The following SEMA3E variants were observed in gnomAD, a reference collection of about 807,000 sequenced individuals.
SEMA3E encodes semaphorin 3E.
Under a neutral mutation model 93.6 loss-of-function variants are expected in SEMA3E, and 49 were observed. The ratio of observed to expected loss-of-function variants is 0.52; its 90% confidence interval spans 0.42 to 0.66. The LOEUF is 0.66. SEMA3E is among the 30% of genes least tolerant of loss of function. SEMA3E has a pLI of 0.00. For missense variants in SEMA3E, 906 were observed against 964.8 expected (o/e 0.94, Z 0.81); for synonymous variants, 363 against 330.7 (o/e 1.10, Z -1.06).
At chr7:83,506,656 A>T (rs1002182536) in intron 1 of SEMA3E, among the ~76,000 whole-genome samples, 3 of 152,190 alleles carry the variant, frequency 2.0e-5, no homozygotes, top group African/African-American at 7.2e-5. Context: ...AGGTCATGCT[A>T]AAATTAGAAG....
chr7:83,422,782 A>G (rs945394502), intron 4 of SEMA3E, among the ~76,000 whole-genome samples: 19 of 152,220 alleles, frequency 1.2e-4, no homozygotes, highest in African/African-American at 4.6e-4. Flanking sequence ...ATACAAGTAC[A>G]TTGCGTATTT....
chr7:83,543,810 C>T (rs1791587472), intron 1 of SEMA3E, among the ~76,000 whole-genome samples: 1 of 152,032 alleles, frequency 6.6e-6, no homozygotes, highest in East Asian at 1.9e-4. Flanking sequence ...TGAGAACATA[C>T]TCCCATTTTG....
intron 1 of SEMA3E, among the ~76,000 whole-genome samples, chr7:83,646,225 A>T (rs925176896): frequency 1.3e-5 from 2 of 152,144 alleles, no homozygotes; most frequent in Non-Finnish European, 2.9e-5. Flanking sequence ...CGTTACTGAC[A>T]TTAGTCAAGT....
At chr7:83,444,285 C>G (rs374816193) in intron 4 of SEMA3E, among the ~76,000 whole-genome samples, 1 of 152,100 alleles carries the variant, frequency 6.6e-6, no homozygotes. Context: ...CACAAAATCT[C>G]GTGATTGTCT....
chr7:83,593,462 C>T (rs922160740), intron 1 of SEMA3E, among the ~76,000 whole-genome samples: 1 of 151,758 alleles, frequency 6.6e-6, no homozygotes, highest in Non-Finnish European at 1.5e-5. Flanking sequence ...ATAATTATAG[C>T]TACAATTTAA....
At chr7:83,602,447 T>A (rs907833234) in intron 1 of SEMA3E, among the ~76,000 whole-genome samples, 1 of 151,882 alleles carries the variant, frequency 6.6e-6, no homozygotes, top group Non-Finnish European at 1.5e-5. Context: ...GCCCTCATCT[T>A]ACCTAGAGAG....
chr7:83,590,943 A>T (rs927828957), intron 1 of SEMA3E, among the ~76,000 whole-genome samples: 2 of 152,270 alleles, frequency 1.3e-5, no homozygotes, highest in African/African-American at 4.8e-5. Context: ...ACAAAACATG[A>T]AGGAAAATGT....
chr7:83,619,761 A>C (rs548313369), intron 1 of SEMA3E, among the ~76,000 whole-genome samples: 4 of 151,994 alleles, frequency 2.6e-5, no homozygotes, highest in African/African-American at 9.6e-5. Flanking sequence ...GGAGAGACAA[A>C]ATGAAAGTAC....
intron 5 of SEMA3E, 39 bp from the exon 6 acceptor site, chr7:83,408,526 T>C: frequency 6.2e-7 from 1 of 1,606,962 alleles, no homozygotes; most frequent in Non-Finnish European, 8.5e-7. Context: ...TCAGTATTTG[T>C]TAATATGTTA....
At chr7:83,599,892 G>A (rs879940325) in intron 1 of SEMA3E, among the ~76,000 whole-genome samples, 6 of 152,064 alleles carry the variant, frequency 3.9e-5, no homozygotes, top group Admixed American at 2.6e-4. Flanking sequence ...TGTTAGAGGC[G>A]GAACCCATGT....
Position 83,399,006 on chromosome 7 carries a change from C to T in SEMA3E, c.1366+1022G>A, listed in dbSNP as rs576349170. Among the ~76,000 whole-genome samples, 3 of 152,066 alleles carry T rather than the reference C, an allele frequency of 2.0e-5. No homozygotes were observed. The East Asian group carries it at 5.8e-4, about 29-fold the overall frequency. ...ACAAAAAACAAAACAAAAATAAAAA[C>T]AAAGGGTTTATTGGAGAAGCCCAAG... is the stretch of plus-strand genomic sequence containing the variant. On this transcript the variant is annotated intron_variant, in intron 11 of 16. Transcript: ENST00000643230.
At chr7:83,443,256 C>A (rs1789156174) in intron 4 of SEMA3E, among the ~76,000 whole-genome samples, 1 of 151,986 alleles carries the variant, frequency 6.6e-6, no homozygotes, top group Admixed American at 6.6e-5. Flanking sequence ...AAAGTAGGAC[C>A]CCAAGGGTTG....
chr7:83,504,827 G>A (rs1301501086), intron 1 of SEMA3E, among the ~76,000 whole-genome samples: 1 of 152,040 alleles, frequency 6.6e-6, no homozygotes, highest in Non-Finnish European at 1.5e-5. Context: ...TTATGTGTTA[G>A]GTACTGTGTG....
At chr7:83,636,893 C>G (rs1219289116) in intron 1 of SEMA3E, among the ~76,000 whole-genome samples, 2 of 151,986 alleles carry the variant, frequency 1.3e-5, no homozygotes, top group Admixed American at 1.3e-4. Context: ...TCTTTTCAGC[C>G]CCAACTTCAT....
rs1273494293 is a variant in SEMA3E, at chr7:83,385,393, G to A, written c.1776C>T (p.Gly592=). ...LDKTEEHLAY[G]IENNSTLLEC... is the part of the protein sequence containing the mutation. Reference sequence around the variant, plus strand: ...CCAGCAAAGTACTGTTGTTCTCTATGCCATAAGCCAGATGTTCTTCAGTCT... The same window carrying A: ...CCAGCAAAGTACTGTTGTTCTCTATACCATAAGCCAGATGTTCTTCAGTCT... The change falls in exon 16 of 17, where the codon GGC becomes GGT. Residue 592 remains glycine, a synonymous_variant. Transcript: ENST00000643230. 2.5e-6 allele frequency: 4 copies of A among 1,613,380 alleles called. No homozygotes were observed. The South Asian group carries it at 4.4e-5, about 18-fold the overall frequency.
At chr7:83,400,547 T>C (rs1441552673) in intron 10 of SEMA3E, among the ~76,000 whole-genome samples, 1 of 152,048 alleles carries the variant, frequency 6.6e-6, no homozygotes, top group Non-Finnish European at 1.5e-5. Flanking sequence ...CCTCCCACCC[T>C]CTGACTTCAA....
At chr7:83,528,369 T>C (rs1236461046) in intron 1 of SEMA3E, among the ~76,000 whole-genome samples, 1 of 152,064 alleles carries the variant, frequency 6.6e-6, no homozygotes, top group Non-Finnish European at 1.5e-5. Context: ...TTATCAGGGA[T>C]TGAATAGGAG....
intron 1 of SEMA3E, among the ~76,000 whole-genome samples, chr7:83,644,050 G>C (rs1794048374): frequency 6.6e-6 from 1 of 151,870 alleles, no homozygotes; most frequent in Non-Finnish European, 1.5e-5. Context: ...TAAATACCAT[G>C]GCCTCCAGAA....
chr7:83,593,679 G>T (rs1792808299), intron 1 of SEMA3E, among the ~76,000 whole-genome samples: 1 of 151,856 alleles, frequency 6.6e-6, no homozygotes, highest in Admixed American at 6.6e-5. Context: ...TTGTTGTGAT[G>T]AATTTCATTT....
Sources: allele counts gnomAD v4.1 joint callset (sites outside exome capture counted in the v4.1 genomes callset), GRCh38; gene constraint gnomAD v4.1.1; transcripts MANE v1.5; gene names NCBI Gene and HGNC (gene_info 2026-07-23, HGNC 2026-07-21).